The following STAT1 variants were observed in gnomAD, a reference collection of about 807,000 sequenced individuals.
The protein encoded by STAT1 is signal transducer and activator of transcription 1-alpha/beta.
Under a neutral mutation model 111.7 loss-of-function variants are expected in STAT1, and 24 were observed. That is an observed-to-expected ratio of 0.21 (90% CI 0.16 to 0.30). The LOEUF (loss-of-function observed/expected upper bound fraction) is 0.30. Among genes scored for constraint, STAT1 ranks in the 10% least tolerant of loss-of-function variants. The pLI, the probability that STAT1 is intolerant of heterozygous loss-of-function variation, is 1.00. For missense variants in STAT1, 351 were observed against 911.9 expected (o/e 0.38, Z 7.92); for synonymous variants, 332 against 326.5 (o/e 1.02, Z -0.18).
rs557599444 is a variant in STAT1 at position 190,983,191 on chromosome 2, T to C, written c.1446+451A>G. Among the ~76,000 whole-genome samples the C allele has an allele frequency of 1.3e-5, 2 of 152,364 alleles. No homozygotes were observed. Among genetic ancestry groups the C allele is most frequent in the South Asian group, 4.1e-4 (2 of 4,832 alleles). On this transcript the variant is annotated intron_variant, in intron 17 of 24. Transcript: ENST00000361099. This position sits in a 1 kb window ranked among gnomAD's most constrained non-coding sequence, Gnocchi z 5.7. ...TGCATTGATGGGTTGACAAAAATGT[T>C]GTGACCAGAGGCTTGAAGGAACCTA...
chr2:190,994,445 G>GACTCATGTCTC (rs1488592090), intron 10 of STAT1, among the ~76,000 whole-genome samples: 1 of 152,114 alleles, frequency 6.6e-6, no homozygotes, highest in Non-Finnish European at 1.5e-5. Context: ...GTCCAGAAAG[G>GACTCATGTCTC]AGGATTTGAG....
intron 2 of STAT1, among the ~76,000 whole-genome samples, chr2:191,011,237 TG>T (rs1695092961): frequency 6.6e-6 from 1 of 152,222 alleles, no homozygotes; most frequent in Non-Finnish European, 1.5e-5. Flanking sequence ...TGAAGCAATT[TG>T]ATTTTTCAGT....
At position 190,977,902 on chromosome 2, in the gene STAT1, C is replaced by T. The variant is rs928906471; in HGVS notation, c.1874-877G>A. Among the ~76,000 whole-genome samples the T allele has an allele frequency of 6.6e-6, 1 of 151,270 alleles. No individual in the cohort carries two copies. Among genetic ancestry groups the T allele is most frequent in the Non-Finnish European group, 1.5e-5 (1 of 67,828 alleles). On this transcript the variant is annotated intron_variant, in intron 21 of 24. Coordinates refer to ENST00000361099, the MANE Select transcript of STAT1 (RefSeq NM_007315.4). This position sits in a 1 kb window ranked among gnomAD's most constrained non-coding sequence, Gnocchi z 4.7. ...CTTTTTCCTCAGAAGAAAAATAGAA[C>T]AAGAAAAGTATTCCAGAAAAACAAA...
Position 191,012,030 on chromosome 2 carries a change from C to T in STAT1, c.-2+1495G>A, listed in dbSNP as rs142665766. Among the ~76,000 whole-genome samples, 12 of 151,808 alleles carry T rather than the reference C, an allele frequency of 7.9e-5. No homozygotes were observed. Among genetic ancestry groups the T allele is most frequent in the African/African-American group, 2.7e-4 (11 of 41,466 alleles). ...CCTCCCAAAGTGCTGGGATTACAGGCGTGAGCTTCCGCACCCTGCCACAGT... is the reference window on the plus strand; with the variant it reads ...CCTCCCAAAGTGCTGGGATTACAGGTGTGAGCTTCCGCACCCTGCCACAGT... On this transcript the variant is annotated intron_variant, in intron 2 of 24. Transcript: ENST00000361099. This position sits in a 1 kb window ranked among gnomAD's most constrained non-coding sequence, Gnocchi z 4.0.
chr2:191,007,493 C>A lies in STAT1; in HGVS notation c.372+70G>T. 1 of 1,143,726 alleles carries A rather than the reference C, an allele frequency of 8.7e-7. No homozygotes were observed. Among genetic ancestry groups the A allele is most frequent in the East Asian group, 2.4e-5 (1 of 42,152 alleles). 70.8% of individuals were successfully genotyped at this position (1,143,726 alleles called of 1,614,324 possible). A position where few individuals can be genotyped will look rare whatever the true frequency, so the allele number is the denominator to read the frequency against. ...ATTCATCATTGCTTTGACATGGGCC[C>A]TAATAGTATTTGATGAATGAATACA... On this transcript the variant is annotated intron_variant, in intron 5 of 24. Coordinates refer to ENST00000361099, the MANE Select transcript of STAT1 (RefSeq NM_007315.4). The surrounding 1 kb of genome is among the most constrained non-coding windows in gnomAD (Gnocchi z 4.2).
rs1054320494 is a variant in STAT1, at chr2:190,989,835, G to T, written c.1038-161C>A. On this transcript the variant is annotated intron_variant, in intron 11 of 24. Coordinates refer to ENST00000361099, the MANE Select transcript of STAT1 (RefSeq NM_007315.4). The surrounding 1 kb of genome is among the most constrained non-coding windows in gnomAD (Gnocchi z 5.0). ...GTTTTGTAGATCTACTTAAATTTTT[G>T]TAAGTGTATTTGTAAGAATAAATTC... 1.3e-5 allele frequency among the ~76,000 whole-genome samples: 2 copies of T among 152,078 alleles called. No homozygotes were observed. The highest frequency in any genetic ancestry group is 2.9e-5 in the Non-Finnish European group (2 of 68,004).
chr2:190,987,865 G>A lies in STAT1; in HGVS notation c.1098-797C>T, dbSNP rs568467227. ...AGCTATGGAAGGGACCTATTTTCCC[G>A]TTTGGAAAAAAAAAGAATTTAAAAT... On this transcript the variant is annotated intron_variant, in intron 12 of 24. Coordinates refer to ENST00000361099, the MANE Select transcript of STAT1 (RefSeq NM_007315.4). This position sits in a 1 kb window ranked among gnomAD's most constrained non-coding sequence, Gnocchi z 4.0. Among the ~76,000 whole-genome samples, 10 of 151,924 alleles carry A rather than the reference G, an allele frequency of 6.6e-5. No individual in the cohort carries two copies. The highest frequency in any genetic ancestry group is 4.2e-4 in the South Asian group (2 of 4,812).
Position 190,989,527 on chromosome 2 carries a change from G to C in STAT1, c.1097+88C>G, listed in dbSNP as rs1319007320. The C allele has an allele frequency of 8.7e-6, 8 of 919,870 alleles. No homozygotes were observed. The African/African-American group carries it at 1.3e-4, about 15-fold the overall frequency. 57.0% of individuals were successfully genotyped at this position (919,870 alleles called of 1,614,324 possible). Reference sequence around the variant, plus strand: ...TAGACCCTTCCACAGCTAGAAATCTGCTTATTTAGTGGAGGAATCTGTGCT... The same window carrying C: ...TAGACCCTTCCACAGCTAGAAATCTCCTTATTTAGTGGAGGAATCTGTGCT... On this transcript the variant is annotated intron_variant, in intron 12 of 24. Coordinates refer to ENST00000361099, the MANE Select transcript of STAT1 (RefSeq NM_007315.4). This position sits in a 1 kb window ranked among gnomAD's most constrained non-coding sequence, Gnocchi z 5.0.
intron 10 of STAT1, among the ~76,000 whole-genome samples, chr2:190,991,779 C>T (rs1048528423): frequency 2.0e-5 from 3 of 151,728 alleles, no homozygotes; most frequent in African/African-American, 7.3e-5. Flanking sequence ...ATCACTTGAG[C>T]CCAGGAGGTT....
rs1694749739 is a variant in STAT1 at position 191,006,970 on chromosome 2, C to A, written c.372+593G>T. 6.6e-6 allele frequency among the ~76,000 whole-genome samples: 1 copy of A among 152,166 alleles called. No individual in the cohort carries two copies. The highest frequency in any genetic ancestry group is 1.5e-5 in the Non-Finnish European group (1 of 68,002). On this transcript the variant is annotated intron_variant, in intron 5 of 24. Coordinates refer to ENST00000361099, the MANE Select transcript of STAT1 (RefSeq NM_007315.4). This position sits in a 1 kb window ranked among gnomAD's most constrained non-coding sequence, Gnocchi z 4.6. ...ACTCCTGCCCCTGCCCCCTCCTTGC[C>A]TTCCCAGCTCCGTGTACAGCATTAC...
chr2:191,011,120 C>T (rs1695080952), intron 2 of STAT1, among the ~76,000 whole-genome samples: 1 of 152,178 alleles, frequency 6.6e-6, no homozygotes, highest in Admixed American at 6.5e-5. Flanking sequence ...GCCTACTCCA[C>T]AAATGTCCTT....
rs1173062095 is a variant in STAT1, at chr2:190,982,618, A to G, written c.1447-100T>C. ...CCATCCCAAAGTTCAATTCTAGTTT[A>G]TATGACACACAGGTGCTTTCACAGT... On this transcript the variant is annotated intron_variant, in intron 17 of 24. Transcript: ENST00000361099. This position sits in a 1 kb window ranked among gnomAD's most constrained non-coding sequence, Gnocchi z 7.3. 53 of 1,317,998 alleles carry G rather than the reference A, an allele frequency of 4.0e-5. No individual in the cohort carries two copies. Among genetic ancestry groups the G allele is most frequent in the Non-Finnish European group, 5.7e-5 (52 of 914,372 alleles). The allele number at this position is 1,317,998 out of a possible 1,614,324, so 81.6% of individuals were successfully genotyped here. A position where few individuals can be genotyped will look rare whatever the true frequency, so the allele number is the denominator to read the frequency against.
chr2:190,989,746 T>A lies in STAT1; in HGVS notation c.1038-72A>T. The A allele has an allele frequency of 1.8e-6, 2 of 1,130,732 alleles. No individual in the cohort carries two copies. The highest frequency in any genetic ancestry group is 1.4e-5 in the South Asian group (1 of 72,916). 70.0% of individuals were successfully genotyped at this position (1,130,732 alleles called of 1,614,324 possible). A position where few individuals can be genotyped will look rare whatever the true frequency, so the allele number is the denominator to read the frequency against. On this transcript the variant is annotated intron_variant, in intron 11 of 24. Coordinates refer to ENST00000361099, the MANE Select transcript of STAT1 (RefSeq NM_007315.4). This position sits in a 1 kb window ranked among gnomAD's most constrained non-coding sequence, Gnocchi z 5.0. ...CAATTTATTTATTATGCCAATTCCC[T>A]ATTAACGTTTAGATAAACTACTCCC...
rs1693805494 is a variant in STAT1, at chr2:190,995,732, A to C, written c.786-513T>G. 6.6e-6 allele frequency among the ~76,000 whole-genome samples: 1 copy of C among 152,170 alleles called. No individual in the cohort carries two copies. Among genetic ancestry groups the C allele is most frequent in the African/African-American group, 2.4e-5 (1 of 41,426 alleles). On this transcript the variant is annotated intron_variant, in intron 9 of 24. Coordinates refer to ENST00000361099, the MANE Select transcript of STAT1 (RefSeq NM_007315.4). The surrounding 1 kb of genome is among the most constrained non-coding windows in gnomAD (Gnocchi z 4.2). ...TGCCCTCTAGGGAAAAACAAAGGGA[A>C]CGAGGCTTGTGCCAGCAGTAGAAGC...
chr2:190,984,454 A>G lies in STAT1; in HGVS notation c.1264-61T>C. ...TTATTCACAGATCCTAAAACTTTCA[A>G]AAGCCCAATTAACATTGCAACAGGC... is the stretch of plus-strand genomic sequence containing the variant. On this transcript the variant is annotated intron_variant, in intron 15 of 24. Coordinates refer to ENST00000361099, the MANE Select transcript of STAT1 (RefSeq NM_007315.4). The surrounding 1 kb of genome is among the most constrained non-coding windows in gnomAD (Gnocchi z 5.2). 1.4e-6 allele frequency: 2 copies of G among 1,475,182 alleles called. No individual in the cohort carries two copies. Among genetic ancestry groups the G allele is most frequent in the Non-Finnish European group, 1.9e-6 (2 of 1,059,882 alleles). 91.4% of individuals were successfully genotyped at this position (1,475,182 alleles called of 1,614,324 possible).
rs1323669700 is a variant in STAT1 at position 190,980,749 on chromosome 2, G to T, written c.1583-80C>A. On this transcript the variant is annotated intron_variant, in intron 18 of 24. Transcript: ENST00000361099. The surrounding 1 kb of genome is among the most constrained non-coding windows in gnomAD (Gnocchi z 6.1). Reference sequence around the variant, plus strand: ...GGTTGGACGGATGGCTCTTGTATTTGCTCTCAAGGAAAAGAGCCAAACACC... The same window carrying T: ...GGTTGGACGGATGGCTCTTGTATTTTCTCTCAAGGAAAAGAGCCAAACACC... 4.9e-6 allele frequency: 7 copies of T among 1,428,788 alleles called. No individual in the cohort carries two copies. The highest frequency in any genetic ancestry group is 6.9e-6 in the Non-Finnish European group (7 of 1,016,170). 88.5% of individuals were successfully genotyped at this position (1,428,788 alleles called of 1,614,324 possible).
rs1693245589 is a variant in STAT1 at position 190,990,652 on chromosome 2, T to A, written c.1037+576A>T. ...GTGTAGACATGGAATCCTAATTTTT[T>A]AAAAAGGAAACATTATGTCATGTTT... On this transcript the variant is annotated intron_variant, in intron 11 of 24. Coordinates refer to ENST00000361099, the MANE Select transcript of STAT1 (RefSeq NM_007315.4). This position sits in a 1 kb window ranked among gnomAD's most constrained non-coding sequence, Gnocchi z 5.1. Among the ~76,000 whole-genome samples the A allele has an allele frequency of 6.6e-6, 1 of 152,166 alleles. No homozygotes were observed.
intron 10 of STAT1, among the ~76,000 whole-genome samples, chr2:190,992,284 T>C (rs1693422955): frequency 6.6e-6 from 1 of 152,232 alleles, no homozygotes; most frequent in Admixed American, 6.5e-5. Context: ...TGATATAAAA[T>C]GGCTGAACTT....
In STAT1 at chr2:190,971,704, T is replaced by TTC. The variant is rs10635466; in HGVS notation, c.2239-988_2239-987insGA. On this transcript the variant is annotated intron_variant, in intron 24 of 24. Coordinates refer to ENST00000361099, the MANE Select transcript of STAT1 (RefSeq NM_007315.4). This position sits in a 1 kb window ranked among gnomAD's most constrained non-coding sequence, Gnocchi z 4.1. Reference sequence around the variant, plus strand: ...AGTCTAGCTTATGTTTCTCTTTTCTTTTTCTTTCTTTTTTTTTTTCAAATT... The same window carrying TTC: ...AGTCTAGCTTATGTTTCTCTTTTCTTTCTTTCTTTCTTTTTTTTTTTCAAATT... Among the ~76,000 whole-genome samples, 120,803 of 146,714 alleles carry TTC rather than the reference T, an allele frequency of 0.82. 48,274 individuals are homozygous for TTC. The highest frequency in any genetic ancestry group is 0.85 in the East Asian group (4,402 of 5,150).
Sources: allele counts gnomAD v4.1 joint callset (sites outside exome capture counted in the v4.1 genomes callset), GRCh38; gene constraint gnomAD v4.1.1; non-coding constraint Gnocchi (gnomAD v3.1); transcripts MANE v1.5; gene names NCBI Gene and HGNC (gene_info 2026-07-23, HGNC 2026-07-21).